The following OLFM3 variants were observed in gnomAD, a reference collection of about 807,000 sequenced individuals.
The protein encoded by OLFM3 is olfactomedin 3.
A neutral mutation model predicts 48.6 loss-of-function variants in OLFM3; 20 were observed. That is an observed-to-expected ratio of 0.41 (90% CI 0.29 to 0.60). OLFM3 has a LOEUF of 0.60. OLFM3 is among the 20% of genes least tolerant of loss of function. The pLI is 0.28. For missense variants in OLFM3, 437 were observed against 544.3 expected (o/e 0.80, Z 1.96); for synonymous variants, 222 against 198.1 (o/e 1.12, Z -1.01).
rs570652963 is a variant in OLFM3, at chr1:101,812,190, T to TG, written c.593-6009dup. On this transcript the variant is annotated intron_variant, in intron 4 of 5. Coordinates refer to ENST00000370103, the MANE Select transcript of OLFM3 (RefSeq NM_058170.4). ...TCACACACCGGGGCCTTTCATGGGGTGGGGGGAGTGGGGAGGGATATTATT... is the reference window on the plus strand; with the variant it reads ...TCACACACCGGGGCCTTTCATGGGGTGGGGGGGAGTGGGGAGGGATATTATT... 5.5e-3 allele frequency among the ~76,000 whole-genome samples: 811 copies of TG among 147,742 alleles called. 6 individuals carry two copies. Among genetic ancestry groups the TG allele is most frequent in the African/African-American group, 0.019 (754 of 39,738 alleles).
intron 1 of OLFM3, 109 bp from the exon 2 acceptor site, chr1:101,837,134 G>C (rs1323273654): frequency 8.8e-7 from 1 of 1,130,680 alleles, no homozygotes. Context: ...TTAACTTTGT[G>C]TTTTCAATCT....
At chr1:101,880,940 C>G (rs1364824642) in intron 1 of OLFM3, among the ~76,000 whole-genome samples, 1 of 151,784 alleles carries the variant, frequency 6.6e-6, no homozygotes. Flanking sequence ...TGCATAGTAC[C>G]AAAGCATTAC....
chr1:101,824,409 T>C (rs1654749236), intron 4 of OLFM3, among the ~76,000 whole-genome samples: 1 of 152,158 alleles, frequency 6.6e-6, no homozygotes, highest in South Asian at 2.1e-4. Flanking sequence ...CCACACATTT[T>C]AGGAGGTAAG....
chr1:101,891,810 C>T (rs1156847749), intron 1 of OLFM3, among the ~76,000 whole-genome samples: 1 of 151,880 alleles, frequency 6.6e-6, no homozygotes, highest in African/African-American at 2.4e-5. Flanking sequence ...TTAACATGGA[C>T]ATTATTTACC....
chr1:101,973,330 G>C (rs1226979705), intron 1 of OLFM3, among the ~76,000 whole-genome samples: 2 of 152,218 alleles, frequency 1.3e-5, no homozygotes, highest in East Asian at 1.9e-4. Flanking sequence ...TGAGGCAGGA[G>C]AGCATAGATG....
chr1:101,861,658 C>T (rs905053183), intron 1 of OLFM3, among the ~76,000 whole-genome samples: 4 of 152,182 alleles, frequency 2.6e-5, no homozygotes, highest in Non-Finnish European at 5.9e-5. Context: ...GCCTTAGTTT[C>T]TTTTGAAGCT....
chr1:101,866,907 A>C (rs932715860), intron 1 of OLFM3, among the ~76,000 whole-genome samples: 10 of 152,192 alleles, frequency 6.6e-5, no homozygotes, highest in African/African-American at 2.4e-4. Flanking sequence ...AAGAGCAGAA[A>C]TATTATATTT....
At chr1:101,839,905 A>C (rs2100929828) in intron 1 of OLFM3, among the ~76,000 whole-genome samples, 1 of 152,352 alleles carries the variant, frequency 6.6e-6, no homozygotes, top group East Asian at 1.9e-4. Flanking sequence ...GAATGATTTA[A>C]ACTATAAAAA....
intron 1 of OLFM3, among the ~76,000 whole-genome samples, chr1:101,925,437 T>C (rs1045122806): frequency 7.9e-5 from 12 of 152,110 alleles, no homozygotes; most frequent in Non-Finnish European, 2.9e-5. Context: ...TACTTAGTTC[T>C]ACCATAGTAC....
chr1:101,974,820 T>C (rs1482844888), intron 1 of OLFM3, among the ~76,000 whole-genome samples: 1 of 152,138 alleles, frequency 6.6e-6, no homozygotes, highest in Admixed American at 6.6e-5. Context: ...CCCCATGTAG[T>C]AGGGATTGTT....
At chr1:101,808,418 G>A (rs922227679) in intron 4 of OLFM3, among the ~76,000 whole-genome samples, 2 of 151,712 alleles carry the variant, frequency 1.3e-5, no homozygotes, top group Middle Eastern at 3.2e-3. Context: ...AGTGAGACCC[G>A]AGGAGGGAGA....
intron 1 of OLFM3, among the ~76,000 whole-genome samples, chr1:101,844,040 G>T (rs1479100144): frequency 6.6e-6 from 1 of 152,118 alleles, no homozygotes; most frequent in Non-Finnish European, 1.5e-5. Context: ...TACCTAGTGA[G>T]CCAGGGAGCT....
intron 1 of OLFM3, among the ~76,000 whole-genome samples, chr1:101,981,940 G>T (rs1264084713): frequency 3.3e-5 from 5 of 151,936 alleles, no homozygotes; most frequent in African/African-American, 1.2e-4. Context: ...GGAAAGAAAT[G>T]GAAAAATAAG....
At chr1:101,956,671 C>T (rs971038266) in intron 1 of OLFM3, among the ~76,000 whole-genome samples, 4 of 151,766 alleles carry the variant, frequency 2.6e-5, no homozygotes, top group Non-Finnish European at 5.9e-5. Flanking sequence ...TTTATCTAGA[C>T]TTACTATAAT....
chr1:101,890,900 C>T (rs1264300318), intron 1 of OLFM3, among the ~76,000 whole-genome samples: 1 of 151,908 alleles, frequency 6.6e-6, no homozygotes, highest in Non-Finnish European at 1.5e-5. Flanking sequence ...AATGAATTAA[C>T]ACTGTTGGAA....
Position 101,834,740 on chromosome 1 carries a change from A to G in OLFM3, c.216+2139T>C, listed in dbSNP as rs568882414. Among the ~76,000 whole-genome samples, 19 of 152,308 alleles carry G rather than the reference A, an allele frequency of 1.2e-4. No homozygotes were observed. The South Asian group carries it at 3.7e-3, about 30-fold the overall frequency. ...GAATAAATTTTGTTTTTTGTCATTT[A>G]TGTATTAATAAATTTTTAAAGGTAT... On this transcript the variant is annotated intron_variant, in intron 2 of 5. Transcript: ENST00000370103.
At chr1:101,937,925 C>A (rs575861115) in intron 1 of OLFM3, among the ~76,000 whole-genome samples, 28 of 152,204 alleles carry the variant, frequency 1.8e-4, no homozygotes, top group African/African-American at 6.7e-4. Context: ...GTTGTTTCTG[C>A]CCACTAGAAT....
chr1:101,943,438 TG>T (rs1659853828), intron 1 of OLFM3, among the ~76,000 whole-genome samples: 1 of 152,230 alleles, frequency 6.6e-6, no homozygotes, highest in African/African-American at 2.4e-5. Flanking sequence ...TCTGCTTTTT[TG>T]GTTGTCCATT....
intron 4 of OLFM3, among the ~76,000 whole-genome samples, chr1:101,813,698 C>G (rs944790884): frequency 1.3e-5 from 2 of 152,130 alleles, no homozygotes; most frequent in Non-Finnish European, 2.9e-5. Context: ...TGTCTGTCAT[C>G]CATTAGCTAT....
Sources: allele counts gnomAD v4.1 joint callset (sites outside exome capture counted in the v4.1 genomes callset), GRCh38; gene constraint gnomAD v4.1.1; transcripts MANE v1.5; gene names NCBI Gene and HGNC (gene_info 2026-07-23, HGNC 2026-07-21).